ATP11B: variants seen among roughly 807,000 people sequenced by gnomAD.
ATP11B encodes phospholipid-transporting ATPase IF.
ATP11B carries 81 observed loss-of-function variants against 157.8 expected under a neutral mutation model. The observed-to-expected ratio is 0.51, with a 90% confidence interval of 0.43 to 0.62. The LOEUF (loss-of-function observed/expected upper bound fraction) is 0.62, where lower values mean the gene tolerates loss of function less well. Among genes scored for constraint, ATP11B ranks in the 20% least tolerant of loss-of-function variants. ATP11B has a pLI of 0.00. For synonymous variants in ATP11B, 451 were observed against 469.4 expected (o/e 0.96, Z 0.51); for missense variants, 1,165 against 1,402.2 (o/e 0.83, Z 2.70).
intron 26 of ATP11B, 134 bp from the exon 27 acceptor site, chr3:182,897,167 CTG>C: frequency 1.8e-6 from 1 of 547,088 alleles, no homozygotes; most frequent in South Asian, 3.2e-5. Flanking sequence ...ATATTTATCT[CTG>C]AGGGATTTTG....
intron 10 of ATP11B, among the ~76,000 whole-genome samples, chr3:182,855,040 A>G (rs1449493150): frequency 6.6e-6 from 1 of 152,204 alleles, no homozygotes; most frequent in Non-Finnish European, 1.5e-5. Context: ...AAATCTCAGC[A>G]AGTTTTTTTG....
chr3:182,867,214 C>T (rs1183781862), intron 14 of ATP11B, among the ~76,000 whole-genome samples, 162 bp from the exon 15 acceptor site: 1 of 148,224 alleles, frequency 6.7e-6, no homozygotes, highest in African/African-American at 2.7e-5. Flanking sequence ...CAGGCATGAG[C>T]CACCACTCCT....
At chr3:182,802,450 A>G (rs1716075035) in intron 1 of ATP11B, among the ~76,000 whole-genome samples, 1 of 151,812 alleles carries the variant, frequency 6.6e-6, no homozygotes, top group Non-Finnish European at 1.5e-5. Flanking sequence ...CTTCCAATCC[A>G]TTTCTCATCC....
intron 25 of ATP11B, among the ~76,000 whole-genome samples, chr3:182,895,181 C>T (rs1723459851): frequency 1.3e-5 from 2 of 150,998 alleles, no homozygotes; most frequent in Admixed American, 1.3e-4. Context: ...GAATGGCACT[C>T]CTCCTGAGAG....
intron 10 of ATP11B, among the ~76,000 whole-genome samples, chr3:182,853,187 A>G (rs1242921178): frequency 1.3e-5 from 2 of 152,192 alleles, no homozygotes; most frequent in African/African-American, 4.8e-5. Flanking sequence ...CTCAGAATAC[A>G]AGGTAAATAA....
intron 1 of ATP11B, among the ~76,000 whole-genome samples, chr3:182,811,678 A>G (rs889590152): frequency 1.3e-5 from 2 of 152,238 alleles, no homozygotes; most frequent in Non-Finnish European, 2.9e-5. Context: ...CCTGTAGAAC[A>G]CTAAGTATAT....
intron 17 of ATP11B, among the ~76,000 whole-genome samples, chr3:182,870,076 T>C (rs1245259671): frequency 1.3e-5 from 2 of 148,260 alleles, no homozygotes; most frequent in Non-Finnish European, 3.0e-5. Context: ...AGCTCATTAA[T>C]GATTGCCAGG....
In ATP11B at chr3:182,859,398, A is replaced by G. The variant is rs760998482; in HGVS notation, c.1200+39A>G. ...TAATATTTTGTTTCTCTAATTTGTT[A>G]TTTTTATCAAAGCAATACATGGACA... is the stretch of plus-strand genomic sequence containing the variant. On this transcript the variant is annotated intron_variant, in intron 12 of 29. Transcript: ENST00000323116. 2.0e-6 allele frequency: 3 copies of G among 1,490,622 alleles called. No individual in the cohort carries two copies. In the South Asian group the frequency reaches 4.0e-5, roughly 20 times the overall value. The allele number at this position is 1,490,622 out of a possible 1,614,324, so 92.3% of individuals were successfully genotyped here. A position where few individuals can be genotyped will look rare whatever the true frequency, so the allele number is the denominator to read the frequency against.
chr3:182,902,522 A>T (rs1010392661), intron 28 of ATP11B: 1 of 1,289,628 alleles, frequency 7.8e-7, no homozygotes, highest in Non-Finnish European at 1.0e-6. Context: ...AGTTCATCGC[A>T]CTGCAGCCAT....
intron 10 of ATP11B, among the ~76,000 whole-genome samples, chr3:182,852,848 C>T (rs1179364180): frequency 6.6e-6 from 1 of 152,170 alleles, no homozygotes; most frequent in African/African-American, 2.4e-5. Context: ...GCTTAAACTT[C>T]ATCGAAATGT....
chr3:182,911,272 C>CCCT (rs1553826069), intron 28 of ATP11B, among the ~76,000 whole-genome samples: 1 of 31,992 alleles, frequency 3.1e-5, no homozygotes, highest in Admixed American at 3.9e-4. Context: ...TATTGAAATG[C>CCCT]CCCCCCCCGC....
At position 182,889,490 on chromosome 3, in the gene ATP11B, T is replaced by C; in HGVS notation, c.2924T>C (p.Phe975Ser). ...CTGGGCTTCAGTCATGCCTTTATTT[T>C]CTTTTTTGGATCCTATTTACTAATA... is the stretch of plus-strand genomic sequence containing the variant. ...TILGFSHAFI[F>S]FFGSYLLIGK... The change falls in exon 25 of 30, where the codon TTC becomes TCC. Residue 975 changes from phenylalanine to serine, a missense_variant. By Grantham distance (155) the Phe-to-Ser change is radical (BLOSUM62 -2). Coordinates refer to ENST00000323116, the MANE Select transcript of ATP11B (RefSeq NM_014616.3). 1 of 1,575,940 alleles carries C rather than the reference T, an allele frequency of 6.3e-7. No individual in the cohort carries two copies. Among genetic ancestry groups the C allele is most frequent in the South Asian group, 1.2e-5 (1 of 83,352 alleles).
At chr3:182,850,879 T>C (rs948581181) in intron 10 of ATP11B, among the ~76,000 whole-genome samples, 3 of 150,568 alleles carry the variant, frequency 2.0e-5, no homozygotes, top group African/African-American at 7.3e-5. Context: ...TATACATACC[T>C]AAAAAAAAAG....
At chr3:182,897,495 A>G in intron 27 of ATP11B, 89 bp downstream of exon 27, 1 of 952,660 alleles carries the variant, frequency 1.0e-6, no homozygotes, top group Non-Finnish European at 1.5e-6. Context: ...TATTCTGCTC[A>G]TAACAGATTT....
At chr3:182,814,637 A>G (rs1716865479) in intron 1 of ATP11B, among the ~76,000 whole-genome samples, 1 of 151,962 alleles carries the variant, frequency 6.6e-6, no homozygotes, top group African/African-American at 2.4e-5. Flanking sequence ...GTGAGACCCC[A>G]TATCTACAAA....
intron 1 of ATP11B, 54 bp downstream of exon 1, chr3:182,793,840 GC>G: frequency 8.5e-7 from 1 of 1,178,862 alleles, no homozygotes; most frequent in Non-Finnish European, 1.1e-6. Flanking sequence ...GGGCCTCTCG[GC>G]CCGGGGTGGC....
chr3:182,827,899 T>G (rs774561304), intron 2 of ATP11B, among the ~76,000 whole-genome samples: 1 of 151,804 alleles, frequency 6.6e-6, no homozygotes, highest in African/African-American at 2.4e-5. Flanking sequence ...ATTCCATTTT[T>G]CAAAATTAAG....
intron 4 of ATP11B, chr3:182,833,675 A>G (rs932561450): frequency 6.6e-6 from 1 of 152,172 alleles, no homozygotes; most frequent in Non-Finnish European, 1.5e-5. Context: ...TACCTAAATA[A>G]GGAAAAGGCA....
Position 182,913,968 on chromosome 3 carries a change from A to G in ATP11B, c.3426A>G (p.Gly1142=), listed in dbSNP as rs367673341. Residue 1142 remains glycine (G), a synonymous_variant, in exon 29 of 30, where the codon GGA becomes GGG. Coordinates refer to ENST00000323116, the MANE Select transcript of ATP11B (RefSeq NM_014616.3). The part of the protein sequence containing the change: ...SVGRMLERVI[G]RCSPTHISRS... ...GAAGAATGCTGGAACGAGTTATAGG[A>G]AGATGTAGTCCAACCCACATCAGCA... 1 of 1,613,974 alleles carries G rather than the reference A, an allele frequency of 6.2e-7. No individual in the cohort carries two copies. The highest frequency in any genetic ancestry group is 1.3e-5 in the African/African-American group (1 of 74,926).
Sources: gnomAD v4.1 joint callset for allele counts (sites outside exome capture counted in the v4.1 genomes callset) on GRCh38, gnomAD v4.1.1 for gene constraint, MANE v1.5 for transcripts, NCBI Gene and HGNC (gene_info 2026-07-23, HGNC 2026-07-21) for gene names.